The following ARPC4 variants were observed in gnomAD, a reference collection of about 807,000 sequenced individuals.
ARPC4 encodes actin-related protein 2/3 complex subunit 4.
In ARPC4, 3 loss-of-function variants were observed where a neutral mutation model predicts 22.8. That is an observed-to-expected ratio of 0.13 (90% CI 0.06 to 0.34). The LOEUF is 0.34. Among genes scored for constraint, ARPC4 ranks in the 10% least tolerant of loss-of-function variants. The pLI, the probability that ARPC4 is intolerant of heterozygous loss-of-function variation, is 1.00. For synonymous variants in ARPC4, 80 were observed against 72.5 expected, an observed-to-expected ratio of 1.10 and a Z score of -0.52; for missense variants, 98 against 211.0, an observed-to-expected ratio of 0.46 and a Z score of 3.32.
At chr3:9,795,588 A>G (rs1559725574) in intron 1 of ARPC4, among the ~76,000 whole-genome samples, 1 of 152,128 alleles carries the variant, frequency 6.6e-6, no homozygotes, top group Non-Finnish European at 1.5e-5. Context: ...ATATACAGAA[A>G]CATTGTACTC....
At chr3:9,801,228 A>G (rs1004021408) in intron 3 of ARPC4, among the ~76,000 whole-genome samples, 4 of 148,556 alleles carry the variant, frequency 2.7e-5, no homozygotes, top group East Asian at 2.0e-4. Context: ...AAAAAAAAAA[A>G]AAAAAAAAAG....
chr3:9,799,827 A>G, intron 2 of ARPC4: 1 of 467,320 alleles, frequency 2.1e-6, no homozygotes, highest in Non-Finnish European at 4.3e-6. Flanking sequence ...TAAAGCTCCT[A>G]CTATGTGCCA....
chr3:9,798,773 C>G (rs371790984), intron 2 of ARPC4, among the ~76,000 whole-genome samples: 4 of 152,264 alleles, frequency 2.6e-5, no homozygotes, highest in African/African-American at 9.6e-5. Context: ...ACTCGGGAGG[C>G]TGAGGCAGGA....
Position 9,793,101 on chromosome 3 carries a change from C to G in ARPC4, c.-21C>G, listed in dbSNP as rs1208668838. ...CTGGCCACTTCCGTACTTCCGCTTT[C>G]CGGCCCAGCCAGCGCCCGCGATGGT... On this transcript the variant is annotated 5_prime_UTR_variant, in exon 1 of 6. Transcript: ENST00000397261. 6.5e-7 allele frequency: 1 copy of G among 1,544,566 alleles called. No homozygotes were observed. The highest frequency in any genetic ancestry group is 8.7e-7 in the Non-Finnish European group (1 of 1,144,576).
intron 1 of ARPC4, among the ~76,000 whole-genome samples, chr3:9,794,603 G>A (rs183712437): frequency 6.6e-6 from 1 of 152,132 alleles, no homozygotes; most frequent in Admixed American, 6.5e-5. Context: ...CCAGAAGTTC[G>A]AGGCCGTAGT....
Position 9,806,537 on chromosome 3 carries a change from T to TC in ARPC4, c.*322_*323insC. The TC allele has an allele frequency of 3.2e-6, 1 of 315,658 alleles. No homozygotes were observed. Among genetic ancestry groups the TC allele is most frequent in the South Asian group, 3.1e-5 (1 of 32,012 alleles). 19.6% of individuals were successfully genotyped at this position (315,658 alleles called of 1,614,324 possible). A position where few individuals can be genotyped will look rare whatever the true frequency, so the allele number is the denominator to read the frequency against. On this transcript the variant is annotated 3_prime_UTR_variant, in exon 6 of 6. Transcript: ENST00000397261. ...TTGTCTTTTTTTTTTTTTTTTTTTT[T>TC]AAACCTCCACCTCCAGTGGCTGTGA...
intron 5 of ARPC4, 61 bp from the exon 6 acceptor site, chr3:9,806,149 G>T: frequency 6.3e-7 from 1 of 1,593,782 alleles, no homozygotes; most frequent in South Asian, 1.1e-5. Flanking sequence ...CACCTCCTTA[G>T]AGCAGTGCCA....
chr3:9,793,180 G>T, intron 1 of ARPC4, 56 bp downstream of exon 1: 1 of 1,522,280 alleles, frequency 6.6e-7, no homozygotes, highest in East Asian at 2.6e-5. Flanking sequence ...TCAGGGCAGT[G>T]GGTCGGTGGG....
intron 4 of ARPC4, chr3:9,803,515 T>A (rs972518253): frequency 3.3e-5 from 16 of 488,216 alleles, no homozygotes; most frequent in African/African-American, 3.1e-4. Context: ...CTGGACTAAA[T>A]GTTCCCTGTT....
At position 9,801,584 on chromosome 3, in the gene ARPC4, T is replaced by G. The variant is rs970953218; in HGVS notation, c.235-77T>G. On this transcript the variant is annotated intron_variant, in intron 3 of 5. Transcript: ENST00000397261. The stretch of plus-strand genomic sequence containing the variant: ...CCTGGGAGCCTTGAAAAAACTGGAG[T>G]CAGAAGACCAGGCTACAAGGTGTTT... The G allele has an allele frequency of 5.6e-6, 8 of 1,427,554 alleles. No homozygotes were observed. The African/African-American group carries it at 1.0e-4, about 18-fold the overall frequency. 88.4% of individuals were successfully genotyped at this position (1,427,554 alleles called of 1,614,324 possible). A position where few individuals can be genotyped will look rare whatever the true frequency, so the allele number is the denominator to read the frequency against.
intron 1 of ARPC4, among the ~76,000 whole-genome samples, chr3:9,795,966 C>G (rs2078874620): frequency 6.6e-6 from 1 of 152,094 alleles, no homozygotes; most frequent in Admixed American, 6.6e-5. Flanking sequence ...CACGGTGGTG[C>G]ACACTTGTCA....
At chr3:9,806,164 G>C in intron 5 of ARPC4, 46 bp from the exon 6 acceptor site, 2 of 1,610,422 alleles carry the variant, frequency 1.2e-6, no homozygotes, top group Non-Finnish European at 1.7e-6. Flanking sequence ...GTGCCACCAG[G>C]ATGCAATAAT....
intron 1 of ARPC4, among the ~76,000 whole-genome samples, chr3:9,795,128 C>A (rs2078854725): frequency 6.6e-6 from 1 of 152,014 alleles, no homozygotes; most frequent in African/African-American, 2.4e-5. Context: ...GCCTCAGCCT[C>A]TCAAGTAGCT....
upstream of ARPC4, chr3:9,792,794 T>C: frequency 7.9e-7 from 1 of 1,264,420 alleles, no homozygotes; most frequent in Non-Finnish European, 1.0e-6. Context: ...TGGTGCCCAA[T>C]CTGAAGCTGG....
At position 9,793,132 on chromosome 3, in the gene ARPC4, A is replaced by G. The variant is rs1176735438; in HGVS notation, c.3+8A>G. On this transcript the variant is annotated splice_region_variant and intron_variant, in intron 1 of 5. Transcript: ENST00000397261. ...CAGCCAGCGCCCGCGATGGTGAGAG[A>G]GCCGGGCCCCCGGCCAGGGACCCCC... 1 of 1,542,260 alleles carries G rather than the reference A, an allele frequency of 6.5e-7. No homozygotes were observed. The highest frequency in any genetic ancestry group is 8.8e-7 in the Non-Finnish European group (1 of 1,142,622).
upstream of ARPC4, chr3:9,792,721 G>C (rs1412400380): frequency 8.1e-7 from 1 of 1,234,576 alleles, no homozygotes; most frequent in East Asian, 3.2e-5. Context: ...AGGGGCGAGA[G>C]AAAGGATGGG....
At position 9,806,632 on chromosome 3, in the gene ARPC4, T is replaced by C. The variant is rs944532899; in HGVS notation, c.*417T>C. 2 of 202,142 alleles carry C rather than the reference T, an allele frequency of 9.9e-6. No homozygotes were observed. Among genetic ancestry groups the C allele is most frequent in the Non-Finnish European group, 2.0e-5 (2 of 99,624 alleles). The allele number at this position is 202,142 out of a possible 1,614,324, so 12.5% of individuals were successfully genotyped here. ...GGGCCTGGAGCCAGAAGGCGACTTA[T>C]TTTTTCTCTCCTATGCCACCCCAGG... is the stretch of plus-strand genomic sequence containing the variant. On this transcript the variant is annotated 3_prime_UTR_variant, in exon 6 of 6. Transcript: ENST00000397261.
intron 1 of ARPC4, among the ~76,000 whole-genome samples, chr3:9,794,799 A>G (rs1214146613): frequency 6.6e-6 from 1 of 152,108 alleles, no homozygotes; most frequent in Non-Finnish European, 1.5e-5. Context: ...CCCACCCCAG[A>G]CAACTACTGA....
At chr3:9,803,486 C>T (rs1211647866) in intron 4 of ARPC4, 1 of 467,436 alleles carries the variant, frequency 2.1e-6, no homozygotes, top group East Asian at 6.6e-5. Context: ...TCCCACCCAT[C>T]TTCCACATCA....
Sources: gnomAD v4.1 joint callset for allele counts (sites outside exome capture counted in the v4.1 genomes callset) on GRCh38, gnomAD v4.1.1 for gene constraint, MANE v1.5 for transcripts, NCBI Gene and HGNC (gene_info 2026-07-23, HGNC 2026-07-21) for gene names.